The following AGBL1 variants were observed in gnomAD, a reference collection of about 807,000 sequenced individuals.
The protein encoded by AGBL1 is AGBL carboxypeptidase 1.
In AGBL1, 130 loss-of-function variants were observed where a neutral mutation model predicts 118.9. The observed-to-expected ratio is 1.09, with a 90% CI of 0.95 to 1.26. The LOEUF (loss-of-function observed/expected upper bound fraction) is 1.26. Among genes scored for constraint, AGBL1 ranks in the 50% most tolerant of loss-of-function variants. The pLI, the probability that AGBL1 is intolerant of heterozygous loss-of-function variation, is 0.00. For synonymous variants in AGBL1, 555 were observed against 478.9 expected, an observed-to-expected ratio of 1.16 and a Z score of -2.08; for missense variants, 1,584 against 1,298.1, an observed-to-expected ratio of 1.22 and a Z score of -3.38.
intron 24 of AGBL1, among the ~76,000 whole-genome samples, chr15:87,006,760 C>T (rs769518484): frequency 7.2e-5 from 11 of 152,174 alleles, no homozygotes; most frequent in Non-Finnish European, 1.3e-4. Context: ...CACCCGTCTT[C>T]TGCGTCACTC....
intron 5 of AGBL1, among the ~76,000 whole-genome samples, chr15:86,220,533 T>C (rs7175347): frequency 0.32 from 48,821 of 152,080 alleles, 8,071 homozygotes; most frequent in South Asian, 0.42. Context: ...TTCTGTTGTG[T>C]TTTGCTAAAA....
intron 18 of AGBL1, among the ~76,000 whole-genome samples, chr15:86,411,000 T>C (rs1273017839): frequency 7.0e-6 from 1 of 143,486 alleles, no homozygotes; most frequent in Non-Finnish European, 1.5e-5. Context: ...TTTAAAATTA[T>C]GGGGCAAGTA....
chr15:86,194,970 T>C (rs986742046), intron 5 of AGBL1, among the ~76,000 whole-genome samples: 1 of 152,232 alleles, frequency 6.6e-6, no homozygotes, highest in African/African-American at 2.4e-5. Context: ...GACACTATTT[T>C]ATGATGGGTA....
intron 16 of AGBL1, among the ~76,000 whole-genome samples, chr15:86,287,508 C>A (rs1484105709): frequency 2.0e-5 from 3 of 152,030 alleles, no homozygotes; most frequent in Non-Finnish European, 4.4e-5. Flanking sequence ...GGTCTTTAAT[C>A]CATTTTGAGT....
chr15:86,412,454 C>A (rs1477587078), intron 18 of AGBL1, among the ~76,000 whole-genome samples: 1 of 152,112 alleles, frequency 6.6e-6, no homozygotes, highest in African/African-American at 2.4e-5. Context: ...TCTTTTTGAA[C>A]CTAAATCTTG....
chr15:86,362,499 G>A (rs1290345137), intron 17 of AGBL1, among the ~76,000 whole-genome samples: 1 of 152,170 alleles, frequency 6.6e-6, no homozygotes, highest in East Asian at 1.9e-4. Flanking sequence ...AGGTTTGCTT[G>A]AGGATCCATA....
chr15:86,254,076 A>G (rs2078858196), intron 7 of AGBL1, among the ~76,000 whole-genome samples: 1 of 152,010 alleles, frequency 6.6e-6, no homozygotes, highest in South Asian at 2.1e-4. Flanking sequence ...AGGACTTTAT[A>G]CTCTTAGTCA....
intron 20 of AGBL1, among the ~76,000 whole-genome samples, chr15:86,551,558 A>G (rs1047415803): frequency 6.6e-6 from 1 of 152,214 alleles, no homozygotes; most frequent in Admixed American, 6.5e-5. Context: ...AAGAATTAGT[A>G]ATTAAAACTC....
chr15:86,964,261 C>A (rs185948911), intron 23 of AGBL1, among the ~76,000 whole-genome samples: 6 of 151,968 alleles, frequency 3.9e-5, no homozygotes, highest in Admixed American at 3.9e-4. Context: ...GCAATTAGTG[C>A]AGGATAATTC....
chr15:86,656,149 G>A (rs17627791), intron 21 of AGBL1, among the ~76,000 whole-genome samples: 4,031 of 152,150 alleles, frequency 0.026, 76 homozygotes, highest in Admixed American at 0.045. Context: ...TATTTCTACT[G>A]GCCTTTGTTG....
Position 86,309,337 on chromosome 15 carries a change from T to A in AGBL1, c.2374+13929T>A, listed in dbSNP as rs575890148. ...CTTTAGAGTTTTCTACATATAAGAT[T>A]ATGTCATCTACAAACAGAAAAATTT... On this transcript the variant is annotated intron_variant, in intron 17 of 22. Coordinates refer to ENST00000614907, the MANE Select transcript of AGBL1 (RefSeq NM_001386094.1). 2.8e-4 allele frequency among the ~76,000 whole-genome samples: 43 copies of A among 152,290 alleles called. 1 individual carries two copies. In the South Asian group the frequency reaches 8.9e-3, roughly 32 times the overall value.
intron 22 of AGBL1, among the ~76,000 whole-genome samples, chr15:86,736,815 A>G (rs2077609264): frequency 6.6e-6 from 1 of 152,154 alleles, no homozygotes; most frequent in South Asian, 2.1e-4. Flanking sequence ...TACCCTTTGA[A>G]CATTTTTAGC....
intron 22 of AGBL1, among the ~76,000 whole-genome samples, chr15:86,845,317 G>A (rs114845536): frequency 2.6e-5 from 4 of 151,868 alleles, no homozygotes; most frequent in Non-Finnish European, 4.4e-5. Context: ...CTTTTTATAG[G>A]CAGTGATTGA....
At chr15:86,954,870 A>T (rs1012047343) in intron 23 of AGBL1, among the ~76,000 whole-genome samples, 1 of 152,158 alleles carries the variant, frequency 6.6e-6, no homozygotes, top group African/African-American at 2.4e-5. Context: ...ATTGAATATT[A>T]GTTTATGGTT....
intron 21 of AGBL1, among the ~76,000 whole-genome samples, chr15:86,582,648 T>C (rs2084186340): frequency 6.6e-6 from 1 of 152,138 alleles, no homozygotes. Context: ...TAAGAAAATG[T>C]GGCACATATA....
rs1450807877 is a variant in AGBL1 at position 86,141,793 on chromosome 15, T to C, written c.52-211T>C. 5.3e-5 allele frequency among the ~76,000 whole-genome samples: 8 copies of C among 152,258 alleles called. No individual in the cohort carries two copies. In the South Asian group the frequency reaches 1.2e-3, roughly 24 times the overall value. ...TCATCTTGCTGATGTTACTACAAGA[T>C]ACGTCTGCAAAGATGAGTTCTGAAG... On this transcript the variant is annotated intron_variant, in intron 1 of 22. Transcript: ENST00000614907.
At chr15:86,422,516 G>A (rs2081805566) in intron 18 of AGBL1, among the ~76,000 whole-genome samples, 1 of 151,984 alleles carries the variant, frequency 6.6e-6, no homozygotes, top group South Asian at 2.1e-4. Context: ...AAATCGACAA[G>A]CTAACATCAT....
chr15:86,515,611 G>GT (rs1339839834), intron 18 of AGBL1, among the ~76,000 whole-genome samples: 1 of 152,122 alleles, frequency 6.6e-6, no homozygotes, highest in African/African-American at 2.4e-5. Flanking sequence ...ATGACCCTTA[G>GT]TTTTATCTAC....
intron 20 of AGBL1, among the ~76,000 whole-genome samples, chr15:86,551,320 C>T (rs555917719): frequency 1.1e-4 from 16 of 152,024 alleles, no homozygotes; most frequent in African/African-American, 2.2e-4. Context: ...TTTCTTAAAA[C>T]GGTCAACAAA....
Sources: allele counts gnomAD v4.1 joint callset (sites outside exome capture counted in the v4.1 genomes callset), GRCh38; gene constraint gnomAD v4.1.1; transcripts MANE v1.5; gene names NCBI Gene and HGNC (gene_info 2026-07-23, HGNC 2026-07-21).